ERC2: variants seen among roughly 807,000 people sequenced by gnomAD.
ERC2 encodes ELKS/RAB6-interacting/CAST family member 2.
A neutral mutation model predicts 114.8 loss-of-function variants in ERC2; 42 were observed. That is an observed-to-expected ratio of 0.37 (90% confidence interval 0.29 to 0.47). The LOEUF (loss-of-function observed/expected upper bound fraction) is 0.47. Among genes scored for constraint, ERC2 ranks in the 20% least tolerant of loss-of-function variants. The probability of loss-of-function intolerance (pLI) is 0.99; values close to 1 mark genes in which losing one functional copy is unlikely to be tolerated. For synonymous variants in ERC2, 454 were observed against 425.5 expected (o/e 1.07, Z -0.82); for missense variants, 939 against 1,150.7 (o/e 0.82, Z 2.66).
At position 56,018,886 on chromosome 3, in the gene ERC2, A is replaced by C; in HGVS notation, c.1779+8T>G. ...TCCTGATTCCCCAGTTTTTGAGTGC[A>C]TGCTCACCTTCTCTGACAGAGCTTC... On this transcript the variant is annotated splice_region_variant and intron_variant, in intron 8 of 17. Coordinates refer to ENST00000288221, the MANE Select transcript of ERC2 (RefSeq NM_015576.3). The C allele has an allele frequency of 1.9e-6, 3 of 1,609,582 alleles. No homozygotes were observed. The highest frequency in any genetic ancestry group is 1.1e-5 in the South Asian group (1 of 89,712).
At chr3:56,458,525 C>CT (rs2063166534) in intron 1 of ERC2, among the ~76,000 whole-genome samples, 1 of 152,176 alleles carries the variant, frequency 6.6e-6, no homozygotes, top group African/African-American at 2.4e-5. Flanking sequence ...AAGAATTCCC[C>CT]TTGCGTGCCC....
At chr3:55,798,802 A>C (rs66539449) in intron 14 of ERC2, among the ~76,000 whole-genome samples, 13,345 of 151,890 alleles carry the variant, frequency 0.088, 919 homozygotes, top group African/African-American at 0.19. Flanking sequence ...GAAAATTGAA[A>C]TGGTTTATCA....
chr3:55,818,694 G>A (rs1254661101), intron 14 of ERC2, among the ~76,000 whole-genome samples: 1 of 152,212 alleles, frequency 6.6e-6, no homozygotes, highest in Non-Finnish European at 1.5e-5. Flanking sequence ...CTACGTGTGT[G>A]CAATGTGACA....
chr3:55,964,371 A>G (rs1049392432), intron 12 of ERC2, among the ~76,000 whole-genome samples: 4 of 152,202 alleles, frequency 2.6e-5, no homozygotes, highest in African/African-American at 9.7e-5. Context: ...ATAATAAAAT[A>G]CTATCGTACA....
At chr3:55,845,534 A>G (rs1307435761) in intron 14 of ERC2, among the ~76,000 whole-genome samples, 2 of 150,816 alleles carry the variant, frequency 1.3e-5, no homozygotes, top group Non-Finnish European at 3.0e-5. Flanking sequence ...AAAGGCAAAA[A>G]TGGAAAAGTA....
chr3:56,406,702 A>T (rs1030960250), intron 2 of ERC2, among the ~76,000 whole-genome samples: 29 of 152,358 alleles, frequency 1.9e-4, no homozygotes, highest in African/African-American at 6.5e-4. Flanking sequence ...CATAAGAGAC[A>T]TTCAAAACTT....
intron 3 of ERC2, among the ~76,000 whole-genome samples, chr3:56,213,183 C>A (rs764715218): frequency 6.6e-6 from 1 of 152,084 alleles, no homozygotes; most frequent in Non-Finnish European, 1.5e-5. Flanking sequence ...ACAGTGGGTG[C>A]GGTGCACCGA....
At chr3:55,614,095 G>GTTGA (rs1208550974) in intron 17 of ERC2, among the ~76,000 whole-genome samples, 1 of 150,346 alleles carries the variant, frequency 6.7e-6, no homozygotes, top group Non-Finnish European at 1.5e-5. Context: ...TCTGTTCACT[G>GTTGA]TTGATAAAAT....
At chr3:56,163,330 A>T (rs1405846212) in intron 4 of ERC2, among the ~76,000 whole-genome samples, 2 of 152,130 alleles carry the variant, frequency 1.3e-5, no homozygotes, top group African/African-American at 4.8e-5. Context: ...GGTGGGAAGA[A>T]CATATATTCT....
chr3:56,157,310 G>A (rs973201748), intron 4 of ERC2, among the ~76,000 whole-genome samples: 2 of 152,166 alleles, frequency 1.3e-5, no homozygotes, highest in Admixed American at 6.5e-5. Context: ...AAGTAAAGAG[G>A]CTGGGGAGAG....
intron 17 of ERC2, among the ~76,000 whole-genome samples, chr3:55,530,503 G>A (rs921993625): frequency 3.9e-5 from 6 of 152,044 alleles, no homozygotes; most frequent in Admixed American, 1.3e-4. Flanking sequence ...TGGTGCTCAG[G>A]GCCTGGAGAG....
chr3:55,887,979 T>C (rs556058527), intron 14 of ERC2, among the ~76,000 whole-genome samples: 8 of 152,228 alleles, frequency 5.3e-5, no homozygotes, highest in Non-Finnish European at 1.2e-4. Flanking sequence ...GTGAGAAGAA[T>C]ATAATTAGCA....
In ERC2 at chr3:56,110,225, G is replaced by A. The variant is rs185923821; in HGVS notation, c.1474-29241C>T. Among the ~76,000 whole-genome samples, 246 of 152,280 alleles carry A rather than the reference G, an allele frequency of 1.6e-3. 1 individual carries two copies. The highest frequency in any genetic ancestry group is 3.4e-3 in the Middle Eastern group (1 of 294). ...GGAAATTTGGTATCAGTCTTTTGCTGAGGTATTATAATAGGTACACGAGCA... is the reference window on the plus strand; with the variant it reads ...GGAAATTTGGTATCAGTCTTTTGCTAAGGTATTATAATAGGTACACGAGCA... On this transcript the variant is annotated intron_variant, in intron 6 of 17. Transcript: ENST00000288221.
At chr3:56,052,657 C>T (rs1310025045) in intron 7 of ERC2, among the ~76,000 whole-genome samples, 6 of 152,092 alleles carry the variant, frequency 3.9e-5, no homozygotes, top group African/African-American at 7.2e-5. Context: ...AATAGTAACA[C>T]CTATCCCAGA....
At chr3:56,376,469 A>G (rs1264188781) in intron 2 of ERC2, among the ~76,000 whole-genome samples, 1 of 152,082 alleles carries the variant, frequency 6.6e-6, no homozygotes, top group Admixed American at 6.6e-5. Context: ...CAAAAAAAAA[A>G]AAAGAGGTGA....
At chr3:55,683,056 T>G (rs2062136596) in intron 17 of ERC2, among the ~76,000 whole-genome samples, 1 of 152,178 alleles carries the variant, frequency 6.6e-6, no homozygotes, top group Non-Finnish European at 1.5e-5. Flanking sequence ...TAGCTAAAGA[T>G]CAGCTTTTAA....
At chr3:55,949,159 C>T (rs1168325804) in intron 13 of ERC2, among the ~76,000 whole-genome samples, 2 of 151,832 alleles carry the variant, frequency 1.3e-5, no homozygotes, top group Admixed American at 6.6e-5. Context: ...CATGAGGTCA[C>T]GAGATGGAGA....
intron 15 of ERC2, among the ~76,000 whole-genome samples, chr3:55,705,738 G>A (rs17055808): frequency 0.089 from 13,479 of 151,976 alleles, 914 homozygotes; most frequent in Admixed American, 0.23. Flanking sequence ...AACACTGGTC[G>A]GACTCTCCCT....
In ERC2 at chr3:55,614,764, A is replaced by G. The variant is rs531863487; in HGVS notation, c.*39+69030T>C. ...AGTATTATCATCCTCATTTTTTAGAAGAAAAGACTGAGCGGGGAAAAAACG... is the reference window on the plus strand; with the variant it reads ...AGTATTATCATCCTCATTTTTTAGAGGAAAAGACTGAGCGGGGAAAAAACG... On this transcript the variant is annotated intron_variant, in intron 17 of 17. Coordinates refer to ENST00000288221, the MANE Select transcript of ERC2 (RefSeq NM_015576.3). 2.6e-5 allele frequency among the ~76,000 whole-genome samples: 4 copies of G among 152,344 alleles called. No homozygotes were observed. The South Asian group carries it at 8.3e-4, about 32-fold the overall frequency.
Sources: gnomAD v4.1 joint callset for allele counts (sites outside exome capture counted in the v4.1 genomes callset) on GRCh38, gnomAD v4.1.1 for gene constraint, MANE v1.5 for transcripts, NCBI Gene and HGNC (gene_info 2026-07-23, HGNC 2026-07-21) for gene names.